MYO1B: variants seen among roughly 807,000 people sequenced by gnomAD.
MYO1B encodes the protein unconventional myosin-Ib.
In MYO1B, 72 loss-of-function variants were observed where a neutral mutation model predicts 159.7. That is an observed-to-expected ratio of 0.45 (90% confidence interval 0.37 to 0.55). The LOEUF is 0.55. Ranked by LOEUF, MYO1B falls within the 20% of genes least tolerant of loss-of-function variation. The pLI, the probability that MYO1B is intolerant of heterozygous loss-of-function variation, is 0.00. For missense variants in MYO1B, 1,062 were observed against 1,364.8 expected (o/e 0.78, Z 3.50); for synonymous variants, 468 against 473.8 (o/e 0.99, Z 0.16).
intron 1 of MYO1B, among the ~76,000 whole-genome samples, chr2:191,250,431 C>T (rs925842279): frequency 3.3e-5 from 5 of 152,148 alleles, no homozygotes; most frequent in African/African-American, 1.2e-4. Context: ...ATGGCAGGTC[C>T]TTGGTACCTC....
chr2:191,320,189 G>T (rs952205805), intron 3 of MYO1B, among the ~76,000 whole-genome samples: 8 of 152,196 alleles, frequency 5.3e-5, no homozygotes, highest in African/African-American at 1.9e-4. Context: ...ACACGGACCA[G>T]ATGACTTGTC....
intron 2 of MYO1B, among the ~76,000 whole-genome samples, chr2:191,285,639 T>C (rs1688321123): frequency 6.6e-6 from 1 of 152,150 alleles, no homozygotes; most frequent in Non-Finnish European, 1.5e-5. Flanking sequence ...GAGGAGTACA[T>C]GATAGGCCAC....
At chr2:191,310,644 A>G (rs367711562) in intron 3 of MYO1B, among the ~76,000 whole-genome samples, 21 of 152,350 alleles carry the variant, frequency 1.4e-4, no homozygotes, top group African/African-American at 3.8e-4. Context: ...CTATTTTTCA[A>G]TTTTAATAAA....
chr2:191,309,253 A>C (rs1689844491), intron 3 of MYO1B, among the ~76,000 whole-genome samples: 1 of 152,092 alleles, frequency 6.6e-6, no homozygotes, highest in African/African-American at 2.4e-5. Flanking sequence ...ACTCGATGCA[A>C]AACTGTTTTT....
chr2:191,374,647 A>C (rs1482893200), intron 13 of MYO1B, among the ~76,000 whole-genome samples: 1 of 152,222 alleles, frequency 6.6e-6, no homozygotes, highest in Non-Finnish European at 1.5e-5. Flanking sequence ...GGCTGGCCAC[A>C]TGTGATCCGA....
At chr2:191,404,521 A>G (rs1696797153) in intron 24 of MYO1B, among the ~76,000 whole-genome samples, 1 of 152,178 alleles carries the variant, frequency 6.6e-6, no homozygotes, top group Non-Finnish European at 1.5e-5. Context: ...TTGAGATTAG[A>G]AATGTTTGTG....
At chr2:191,321,440 A>G (rs1212931808) in intron 3 of MYO1B, among the ~76,000 whole-genome samples, 1 of 152,188 alleles carries the variant, frequency 6.6e-6, no homozygotes, top group Non-Finnish European at 1.5e-5. Flanking sequence ...CAGAAAGTCT[A>G]TTCTTGTAGA....
At position 191,260,378 on chromosome 2, in the gene MYO1B, G is replaced by A. The variant is rs150459982; in HGVS notation, c.-10+14752G>A. On this transcript the variant is annotated intron_variant, in intron 1 of 30. Transcript: ENST00000392318. ...CTTGTATGTATGTGTTATTTAAACT[G>A]TTTTGGTTGTTTTGGGCTTCTGGTG... Among the ~76,000 whole-genome samples the A allele has an allele frequency of 2.6e-3, 399 of 150,992 alleles. 2 individuals are homozygous for A. The highest frequency in any genetic ancestry group is 9.0e-3 in the African/African-American group (370 of 41,324).
chr2:191,247,849 C>T (rs1262611049), intron 1 of MYO1B: 1 of 852,512 alleles, frequency 1.2e-6, no homozygotes, highest in Non-Finnish European at 1.4e-6. Context: ...CTGGTGGATG[C>T]CTGATTGTGT....
At chr2:191,419,228 T>G (rs1000396140) in intron 30 of MYO1B, among the ~76,000 whole-genome samples, 2 of 152,188 alleles carry the variant, frequency 1.3e-5, no homozygotes, top group African/African-American at 4.8e-5. Flanking sequence ...ACTATACTTT[T>G]TTTTTTTTGA....
At chr2:191,397,343 T>TCC (rs1166505952) in intron 21 of MYO1B, among the ~76,000 whole-genome samples, 3 of 146,288 alleles carry the variant, frequency 2.1e-5, no homozygotes, top group Non-Finnish European at 4.5e-5. Flanking sequence ...CCTGCGGCCT[T>TCC]CCGCAGTGTT....
intron 5 of MYO1B, 106 bp from the exon 6 acceptor site, chr2:191,346,130 G>A (rs1692549800): frequency 1.2e-6 from 1 of 865,658 alleles, no homozygotes; most frequent in East Asian, 3.0e-5. Flanking sequence ...ATTGCTACAA[G>A]TTGTATTTTC....
chr2:191,373,758 T>A (rs1396173090), intron 13 of MYO1B, among the ~76,000 whole-genome samples: 5 of 152,338 alleles, frequency 3.3e-5, no homozygotes, highest in Non-Finnish European at 4.4e-5. Context: ...ATCCAATCAG[T>A]TATATGTCTA....
At chr2:191,299,840 A>T (rs530798411) in intron 3 of MYO1B, among the ~76,000 whole-genome samples, 7 of 152,334 alleles carry the variant, frequency 4.6e-5, no homozygotes, top group African/African-American at 1.7e-4. Context: ...TGAGGGCCAA[A>T]TATGTAGTTG....
chr2:191,332,761 G>C (rs1691574153), intron 4 of MYO1B, among the ~76,000 whole-genome samples: 1 of 152,148 alleles, frequency 6.6e-6, no homozygotes, highest in African/African-American at 2.4e-5. Flanking sequence ...TAGAGTCCCT[G>C]CTTTTATCCA....
chr2:191,350,199 A>T lies in MYO1B; in HGVS notation c.536A>T (p.Asp179Val). The change falls in exon 7 of 31, where the codon GAT (aspartate) becomes GTT (valine). Residue 179 changes from aspartate (D) to valine (V), a missense_variant. Physicochemically the swap from Asp to Val is radical, Grantham distance 152. Around this residue, in one of 5 missense-constraint regions of MYO1B, gnomAD observed 415 missense variants for 544.0 expected, o/e 0.76. Transcript: ENST00000392318. ...YMDIEFDFKG[D>V]PLGGVISNYL... ...GATATTGAATTTGACTTTAAAGGCG[A>T]TCCACTAGGAGGAGTAATAAGTAAC... The T allele has an allele frequency of 6.2e-7, 1 of 1,612,868 alleles. No homozygotes were observed.
chr2:191,253,404 G>C (rs1260883414), intron 1 of MYO1B, among the ~76,000 whole-genome samples: 3 of 152,076 alleles, frequency 2.0e-5, no homozygotes, highest in Non-Finnish European at 2.9e-5. Flanking sequence ...ACTCTCAACT[G>C]TGTCTTGTGC....
At chr2:191,368,841 G>T (rs577825522) in intron 11 of MYO1B, among the ~76,000 whole-genome samples, 1 of 152,060 alleles carries the variant, frequency 6.6e-6, no homozygotes, top group African/African-American at 2.4e-5. Context: ...ACGCGTGGTG[G>T]CACACACGTG....
chr2:191,417,494 T>TA (rs1246687216), intron 30 of MYO1B, among the ~76,000 whole-genome samples: 3 of 152,316 alleles, frequency 2.0e-5, no homozygotes, highest in African/African-American at 7.2e-5. Context: ...GTGGGGCTGC[T>TA]AATTCTCACT....
Sources: allele counts gnomAD v4.1 joint callset (sites outside exome capture counted in the v4.1 genomes callset), GRCh38; gene constraint gnomAD v4.1.1; regional missense constraint gnomAD v4.1.1; transcripts MANE v1.5; gene names NCBI Gene and HGNC (gene_info 2026-07-23, HGNC 2026-07-21).